Variants in CTTN observed in about 807,000 individuals in gnomAD.
The protein encoded by CTTN is cortactin, also known as src substrate cortactin.
In CTTN, 28 loss-of-function variants were observed where a neutral mutation model predicts 84.0. The ratio of observed to expected loss-of-function variants is 0.33; its 90% CI spans 0.25 to 0.46. The LOEUF (loss-of-function observed/expected upper bound fraction) is 0.46, where lower values mean the gene tolerates loss of function less well. Among genes scored for constraint, CTTN ranks in the 20% least tolerant of loss-of-function variants. The pLI, the probability that CTTN is intolerant of heterozygous loss-of-function variation, is 1.00. For missense variants in CTTN, 641 were observed against 723.8 expected (o/e 0.89, Z 1.31); for synonymous variants, 301 against 288.8 (o/e 1.04, Z -0.43).
chr11:70,415,415 T>C (rs1308046338), intron 6 of CTTN, among the ~76,000 whole-genome samples: 1 of 152,190 alleles, frequency 6.6e-6, no homozygotes, highest in African/African-American at 2.4e-5. Context: ...TGCCGCATGC[T>C]GGGGAGGGCA....
chr11:70,408,020 G>A (rs1343652438), intron 4 of CTTN: 1 of 162,786 alleles, frequency 6.1e-6, no homozygotes, highest in South Asian at 1.7e-4. Flanking sequence ...TGTGTTAATA[G>A]TGAGGTACTG....
intron 5 of CTTN, 110 bp from the exon 6 acceptor site, chr11:70,414,432 G>C: frequency 1.4e-6 from 1 of 735,632 alleles, no homozygotes; most frequent in Non-Finnish European, 2.3e-6. Flanking sequence ...GTTAATGTAA[G>C]GTTTCCCTGC....
chr11:70,424,511 A>G (rs1407240160), intron 12 of CTTN, among the ~76,000 whole-genome samples: 1 of 152,090 alleles, frequency 6.6e-6, no homozygotes. Flanking sequence ...TTGTGGGGAT[A>G]GGGCTACAAC....
chr11:70,434,298 G>A (rs1446540103), intron 17 of CTTN, among the ~76,000 whole-genome samples: 2 of 152,224 alleles, frequency 1.3e-5, no homozygotes, highest in African/African-American at 2.4e-5. Context: ...CTGCTGGGCC[G>A]CATAGCATCC....
intron 8 of CTTN, among the ~76,000 whole-genome samples, chr11:70,417,579 T>C (rs1336651911): frequency 2.0e-5 from 3 of 151,708 alleles, no homozygotes; most frequent in Non-Finnish European, 2.9e-5. Flanking sequence ...CACTGCAACC[T>C]CCACCTCCCT....
In CTTN at chr11:70,435,838, G is replaced by A; in HGVS notation, c.*676G>A. On this transcript the variant is annotated 3_prime_UTR_variant, in exon 18 of 18. Transcript: ENST00000301843. ...CCCTGATGCCCAGGTCACCGGGAGGGCTGCTGGGAGCCTCTCCTGTCCCCG... is the reference window on the plus strand; with the variant it reads ...CCCTGATGCCCAGGTCACCGGGAGGACTGCTGGGAGCCTCTCCTGTCCCCG... 1 of 1,530,856 alleles carries A rather than the reference G, an allele frequency of 6.5e-7. No homozygotes were observed. The allele number at this position is 1,530,856 out of a possible 1,614,324, so 94.8% of individuals were successfully genotyped here.
intron 6 of CTTN, among the ~76,000 whole-genome samples, chr11:70,414,862 C>G (rs1213998415): frequency 6.6e-6 from 1 of 152,172 alleles, no homozygotes; most frequent in African/African-American, 2.4e-5. Flanking sequence ...GTAGCAGTCC[C>G]TGCGGTCGCT....
chr11:70,406,578 T>C (rs1343099099), intron 2 of CTTN, among the ~76,000 whole-genome samples: 1 of 151,868 alleles, frequency 6.6e-6, no homozygotes, highest in African/African-American at 2.4e-5. Flanking sequence ...ACAAGAATTG[T>C]CTTGTTAGGG....
At chr11:70,409,427 A>G (rs910342943) in intron 4 of CTTN, among the ~76,000 whole-genome samples, 9 of 152,214 alleles carry the variant, frequency 5.9e-5, no homozygotes, top group East Asian at 1.9e-4. Context: ...GTTCAGCACC[A>G]CTGGACTTCT....
rs2135598544 is a variant in CTTN at position 70,433,271 on chromosome 11, T to G, written c.1437T>G (p.Tyr479Ter). 1 of 1,609,230 alleles carries G rather than the reference T, an allele frequency of 6.2e-7. No individual in the cohort carries two copies. Among genetic ancestry groups the G allele is most frequent in the Admixed American group, 1.7e-5 (1 of 59,524 alleles). ...VYESAEAPGHYPAEDSTYDEY... is the reference protein window; with the variant it reads ...VYESAEAPGH Reference sequence around the variant, plus strand: ...AAAGCGCAGAGGCCCCGGGCCACTATCCCGCAGGTACTGGGGCCCCACGCT... The same window carrying G: ...AAAGCGCAGAGGCCCCGGGCCACTAGCCCGCAGGTACTGGGGCCCCACGCT... Residue 479 changes from tyrosine to a stop codon, truncating the protein, a stop_gained, in exon 16 of 18, where the codon TAT becomes TAG. Coordinates refer to ENST00000301843, the MANE Select transcript of CTTN (RefSeq NM_005231.4). LOFTEE classifies it high-confidence loss of function.
intron 11 of CTTN, 136 bp downstream of exon 11, chr11:70,421,716 G>A (rs1315355550): frequency 4.4e-6 from 3 of 678,972 alleles, no homozygotes; most frequent in Non-Finnish European, 7.9e-6. Context: ...CAGGCTGTTC[G>A]GCACTTTAAA....
chr11:70,427,220 C>G (rs1178202231), intron 13 of CTTN, among the ~76,000 whole-genome samples: 1 of 151,970 alleles, frequency 6.6e-6, no homozygotes, highest in Non-Finnish European at 1.5e-5. Flanking sequence ...CATGGTGGTC[C>G]ACGCCTGTAA....
chr11:70,429,247 C>A (rs1252805813), intron 14 of CTTN, 48 bp downstream of exon 14: 1 of 1,577,540 alleles, frequency 6.3e-7, no homozygotes, highest in Non-Finnish European at 8.6e-7. Flanking sequence ...GGGACCTGTG[C>A]CGAGGGGATT....
At chr11:70,429,652 T>C (rs1367307052) in intron 14 of CTTN, among the ~76,000 whole-genome samples, 1 of 152,014 alleles carries the variant, frequency 6.6e-6, no homozygotes, top group East Asian at 1.9e-4. Context: ...TGCTTCTGCT[T>C]GGCCAGCCCA....
chr11:70,407,199 T>C (rs1200515882), intron 2 of CTTN, 99 bp from the exon 3 acceptor site: 1 of 904,590 alleles, frequency 1.1e-6, no homozygotes, highest in African/African-American at 1.7e-5. Context: ...TCCTCCTGGG[T>C]TGCCTAGAAT....
intron 5 of CTTN, among the ~76,000 whole-genome samples, chr11:70,411,283 C>T (rs1012309930): frequency 9.4e-6 from 1 of 106,492 alleles, no homozygotes. Flanking sequence ...GCGAGCGAAG[C>T]GTGTGCACAC....
chr11:70,414,440 T>C (rs2058133998), intron 5 of CTTN, 102 bp from the exon 6 acceptor site: 1 of 824,362 alleles, frequency 1.2e-6, no homozygotes, highest in Non-Finnish European at 2.0e-6. Flanking sequence ...AAGGTTTCCC[T>C]GCACTGACCA....
chr11:70,409,751 T>C (rs966812614), intron 4 of CTTN, 80 bp from the exon 5 acceptor site: 246 of 1,428,026 alleles, frequency 1.7e-4, no homozygotes, highest in Non-Finnish European at 2.3e-4. Flanking sequence ...TAATGTCACC[T>C]GTTCTTATTT....
At position 70,403,072 on chromosome 11, in the gene CTTN, C is replaced by T. The variant is rs368272317; in HGVS notation, c.-97-2193C>T. The stretch of plus-strand genomic sequence containing the variant: ...TTGGTGGTTAATGACATTGAACAAA[C>T]TTTTCCTGAGCTTGTTGGCCATTTG... On this transcript the variant is annotated intron_variant, in intron 1 of 17. Coordinates refer to ENST00000301843, the MANE Select transcript of CTTN (RefSeq NM_005231.4). Among the ~76,000 whole-genome samples the T allele has an allele frequency of 1.9e-4, 29 of 152,004 alleles. No homozygotes were observed. In the East Asian group the frequency reaches 5.2e-3, roughly 27 times the overall value.
Sources: allele counts gnomAD v4.1 joint callset (sites outside exome capture counted in the v4.1 genomes callset), GRCh38; gene constraint gnomAD v4.1.1; transcripts MANE v1.5; gene names NCBI Gene and HGNC (gene_info 2026-07-23, HGNC 2026-07-21).